SRGAP3: variants seen among roughly 807,000 people sequenced by gnomAD.
SRGAP3 encodes SLIT-ROBO Rho GTPase-activating protein 3.
A neutral mutation model predicts 121.1 loss-of-function variants in SRGAP3; 39 were observed. The observed-to-expected ratio is 0.32, with a 90% CI of 0.25 to 0.42. The LOEUF (loss-of-function observed/expected upper bound fraction) is 0.42, where lower values mean the gene tolerates loss of function less well. Among genes scored for constraint, SRGAP3 ranks in the 10% least tolerant of loss-of-function variants. The probability of loss-of-function intolerance (pLI) is 1.00; values close to 1 mark genes in which losing one functional copy is unlikely to be tolerated. For missense variants in SRGAP3, 1,213 were observed against 1,470.6 expected, an observed-to-expected ratio of 0.82 and a Z score of 2.86; for synonymous variants, 601 against 570.0, an observed-to-expected ratio of 1.05 and a Z score of -0.77.
At chr3:9,128,902 G>A (rs888421892) in intron 1 of SRGAP3, among the ~76,000 whole-genome samples, 13 of 152,164 alleles carry the variant, frequency 8.5e-5, no homozygotes, top group Admixed American at 2.6e-4. Flanking sequence ...ACGTTTGACG[G>A]GTATTGATGG....
At chr3:9,286,370 T>C (rs1954770674) in intron 3 of SRGAP3, among the ~76,000 whole-genome samples, 1 of 151,292 alleles carries the variant, frequency 6.6e-6, no homozygotes, top group Admixed American at 6.6e-5. Flanking sequence ...CATACCAAAA[T>C]CCAAGGTTGG....
upstream of SRGAP3, among the ~76,000 whole-genome samples, chr3:9,253,713 G>T (rs910245040): frequency 3.3e-5 from 5 of 152,162 alleles, no homozygotes; most frequent in African/African-American, 1.2e-4. Flanking sequence ...TCAGCTAGTT[G>T]ATGGCAGATT....
At chr3:9,034,208 GC>G (rs1276617281) in intron 11 of SRGAP3, 1 of 152,196 alleles carries the variant, frequency 6.6e-6, no homozygotes, top group African/African-American at 2.4e-5. Context: ...TGGGGCAAAG[GC>G]CTTTTGAAGG....
At chr3:9,318,725 T>A (rs556034551) in intron 3 of SRGAP3, among the ~76,000 whole-genome samples, 3,519 of 148,722 alleles carry the variant, frequency 0.024, 110 homozygotes, top group African/African-American at 0.075. Flanking sequence ...AAAAAAAAAA[T>A]TTAAATAGCC....
Position 8,985,951 on chromosome 3 carries a change from G to C in SRGAP3, c.2887-19C>G. The C allele has an allele frequency of 1.9e-6, 3 of 1,599,670 alleles. No homozygotes were observed. The highest frequency in any genetic ancestry group is 2.5e-6 in the Non-Finnish European group (3 of 1,179,936). On this transcript the variant is annotated intron_variant, in intron 21 of 21. Transcript: ENST00000383836. The surrounding 1 kb of genome is among the most constrained non-coding windows in gnomAD (Gnocchi z 5.1). The stretch of plus-strand genomic sequence containing the variant: ...CGATGTCCTGGGGACAGAGGGAGCT[G>C]GGGTCAGCACAGTCTGGAGACCTGG...
At chr3:8,999,993 C>A (rs1423363728) in intron 18 of SRGAP3, among the ~76,000 whole-genome samples, 2 of 152,158 alleles carry the variant, frequency 1.3e-5, no homozygotes, top group Admixed American at 1.3e-4. Flanking sequence ...AGGTGAAAAT[C>A]TCTGTTACTT....
At chr3:9,260,644 C>A (rs1464714753) in intron 3 of SRGAP3, among the ~76,000 whole-genome samples, 9 of 152,232 alleles carry the variant, frequency 5.9e-5, no homozygotes, top group Non-Finnish European at 1.2e-4. Context: ...AGGCAGCAGC[C>A]CCAGTCAGCG....
At chr3:8,997,042 C>G (rs535121107) in intron 18 of SRGAP3, among the ~76,000 whole-genome samples, 2 of 152,264 alleles carry the variant, frequency 1.3e-5, no homozygotes, top group African/African-American at 4.8e-5. Flanking sequence ...CAGGGCGAAC[C>G]TCCAGCTCAG....
intron 4 of SRGAP3, among the ~76,000 whole-genome samples, chr3:9,078,002 C>T (rs1288664602): frequency 3.3e-5 from 5 of 152,056 alleles, no homozygotes; most frequent in Admixed American, 6.6e-5. Flanking sequence ...TGTTGGGAGA[C>T]GGGATATAGA....
intron 3 of SRGAP3, among the ~76,000 whole-genome samples, chr3:9,093,481 C>A (rs1947838383): frequency 1.3e-5 from 2 of 152,068 alleles, no homozygotes; most frequent in East Asian, 1.9e-4. Flanking sequence ...ATCCATCTAC[C>A]CATCAACCCA....
At chr3:9,127,379 C>T (rs1167284488) in intron 1 of SRGAP3, among the ~76,000 whole-genome samples, 1 of 152,172 alleles carries the variant, frequency 6.6e-6, no homozygotes. Flanking sequence ...GCATCAGCAC[C>T]ACCAATGGGC....
chr3:9,024,472 A>T (rs2662089), intron 14 of SRGAP3, among the ~76,000 whole-genome samples: 1 of 151,964 alleles, frequency 6.6e-6, no homozygotes. Context: ...AATATTCAAA[A>T]GCAGAGGTGT....
At chr3:9,150,415 C>T (rs1443280613) in intron 1 of SRGAP3, among the ~76,000 whole-genome samples, 2 of 151,818 alleles carry the variant, frequency 1.3e-5, no homozygotes, top group African/African-American at 4.8e-5. Context: ...GCACTTTTTC[C>T]ATGTTTATTT....
At chr3:9,175,590 G>A (rs1207445333) in intron 1 of SRGAP3, among the ~76,000 whole-genome samples, 1 of 152,194 alleles carries the variant, frequency 6.6e-6, no homozygotes, top group Non-Finnish European at 1.5e-5. Flanking sequence ...GGAAAAGCTG[G>A]GACTCTGGGT....
intron 4 of SRGAP3, among the ~76,000 whole-genome samples, chr3:9,073,444 G>A (rs2125242478): frequency 6.6e-6 from 1 of 152,310 alleles, no homozygotes; most frequent in East Asian, 1.9e-4. Flanking sequence ...GCCCAGCCCA[G>A]ATAAGTAGTT....
intron 1 of SRGAP3, among the ~76,000 whole-genome samples, chr3:9,125,842 C>CGG (rs1949203476): frequency 6.6e-6 from 1 of 152,184 alleles, no homozygotes; most frequent in Non-Finnish European, 1.5e-5. Context: ...CACGGCTCCC[C>CGG]TCTGCCTGAG....
chr3:9,185,971 A>C (rs941763416), intron 1 of SRGAP3, among the ~76,000 whole-genome samples: 2 of 152,206 alleles, frequency 1.3e-5, no homozygotes, highest in Non-Finnish European at 2.9e-5. Flanking sequence ...GGGCAGGCAC[A>C]CAGGGTTAGC....
At chr3:9,009,204 G>A (rs1295050676) in intron 18 of SRGAP3, among the ~76,000 whole-genome samples, 5 of 152,180 alleles carry the variant, frequency 3.3e-5, no homozygotes, top group Non-Finnish European at 7.4e-5. Flanking sequence ...TGTCAGTCTT[G>A]TCTCTTTTAC....
chr3:9,291,248 G>C (rs999466350), intron 3 of SRGAP3, among the ~76,000 whole-genome samples: 1 of 152,108 alleles, frequency 6.6e-6, no homozygotes, highest in East Asian at 1.9e-4. Flanking sequence ...AGCATGCTGC[G>C]AATTGTCACC....
Sources: allele counts gnomAD v4.1 joint callset (sites outside exome capture counted in the v4.1 genomes callset), GRCh38; gene constraint gnomAD v4.1.1; non-coding constraint Gnocchi (gnomAD v3.1); transcripts MANE v1.5; gene names NCBI Gene and HGNC (gene_info 2026-07-23, HGNC 2026-07-21).